SPMIP11: variants seen among roughly 807,000 people sequenced by gnomAD.
SPMIP11 encodes sperm microtubule inner protein 11, also known as long intergenic non-protein coding RNA 935.
chr12:48,743,337 C>A, the SPMIP11 span, among the ~76,000 whole-genome samples: 1 of 151,982 alleles, frequency 6.6e-6, no homozygotes, highest in South Asian at 2.1e-4. Context: ...GATGGCACCA[C>A]TGCACTCCAT....
At chr12:48,762,557 G>A in the SPMIP11 span, among the ~76,000 whole-genome samples, 9 of 150,278 alleles carry the variant, frequency 6.0e-5, no homozygotes, top group Non-Finnish European at 1.0e-4. Context: ...TAGTAGAGAC[G>A]AGGTTTCACC....
At chr12:48,738,734 G>A in the SPMIP11 span, among the ~76,000 whole-genome samples, 1 of 152,094 alleles carries the variant, frequency 6.6e-6, no homozygotes, top group South Asian at 2.1e-4. Context: ...TCAGAAAGAA[G>A]GGAGACAAAA....
chr12:48,760,527 GTTT>G, the SPMIP11 span, among the ~76,000 whole-genome samples: 1 of 150,040 alleles, frequency 6.7e-6, no homozygotes, highest in African/African-American at 2.5e-5. Context: ...TGTTGTTGTT[GTTT>G]GTTATTGTTG....
At chr12:48,735,003 C>CA in the SPMIP11 span, among the ~76,000 whole-genome samples, 37,087 of 84,008 alleles carry the variant, frequency 0.44, 9,004 homozygotes, top group Admixed American at 0.53. Context: ...GACTCTGTCT[C>CA]AAAAAAAAAA....
chr12:48,759,726 A>G, the SPMIP11 span, among the ~76,000 whole-genome samples: 1 of 150,640 alleles, frequency 6.6e-6, no homozygotes, highest in African/African-American at 2.4e-5. Flanking sequence ...AGGCAGGAAG[A>G]AAAAAAAAGA....
At chr12:48,749,039 ATCACTT>A in the SPMIP11 span, among the ~76,000 whole-genome samples, 1 of 152,088 alleles carries the variant, frequency 6.6e-6, no homozygotes, top group African/African-American at 2.4e-5. Flanking sequence ...AGGCGGGTGG[ATCACTT>A]GAGGCCAGGA....
At chr12:48,733,666 G>A in the SPMIP11 span, among the ~76,000 whole-genome samples, 6 of 151,354 alleles carry the variant, frequency 4.0e-5, no homozygotes, top group Non-Finnish European at 7.4e-5. Flanking sequence ...TATAGAGTTT[G>A]GTATCATCTG....
chr12:48,738,025 A>G, the SPMIP11 span, among the ~76,000 whole-genome samples: 1 of 151,318 alleles, frequency 6.6e-6, no homozygotes, highest in Non-Finnish European at 1.5e-5. Context: ...GAGTCTCCCT[A>G]TGTTGCCCAG....
At chr12:48,765,376 A>G in the SPMIP11 span, among the ~76,000 whole-genome samples, 1 of 151,866 alleles carries the variant, frequency 6.6e-6, no homozygotes, top group Non-Finnish European at 1.5e-5. Context: ...GATTACAGGC[A>G]CCCGCCACCG....
chr12:48,768,891 C>A, the SPMIP11 span: 2 of 1,575,874 alleles, frequency 1.3e-6, no homozygotes, highest in Non-Finnish European at 1.7e-6. Flanking sequence ...CTGTGGAAGC[C>A]CTCCGGGCCC....
chr12:48,743,297 G>C, the SPMIP11 span, among the ~76,000 whole-genome samples: 1 of 151,314 alleles, frequency 6.6e-6, no homozygotes, highest in Non-Finnish European at 1.5e-5. Context: ...GGGAGGCTGA[G>C]ATGGGAAGAT....
chr12:48,765,268 C>T, the SPMIP11 span, among the ~76,000 whole-genome samples: 1 of 152,162 alleles, frequency 6.6e-6, no homozygotes, highest in African/African-American at 2.4e-5. Flanking sequence ...ATGCTGCCTT[C>T]GTCGCTACCT....
At chr12:48,765,502 T>A in the SPMIP11 span, 1 of 673,092 alleles carries the variant, frequency 1.5e-6, no homozygotes, top group Non-Finnish European at 2.7e-6. Flanking sequence ...GTGCTGGGAT[T>A]ACAGGCGTGA....
At chr12:48,770,810 T>C in the SPMIP11 span, 14 of 1,614,110 alleles carry the variant, frequency 8.7e-6, no homozygotes, top group Non-Finnish European at 1.1e-5. Context: ...ATTGATGTGC[T>C]TCATCTGCTC....
the SPMIP11 span, among the ~76,000 whole-genome samples, chr12:48,758,623 ATGAAT>A: frequency 6.6e-6 from 1 of 152,200 alleles, no homozygotes; most frequent in Admixed American, 6.5e-5. Context: ...CCCAAACATA[ATGAAT>A]GCTAGGTAGC....
the SPMIP11 span, chr12:48,736,105 C>T: frequency 2.2e-6 from 1 of 452,574 alleles, no homozygotes; most frequent in South Asian, 1.6e-5. Context: ...TTGTTTATCC[C>T]TAGAGTTAAG....
At chr12:48,742,135 G>A in the SPMIP11 span, among the ~76,000 whole-genome samples, 4 of 151,896 alleles carry the variant, frequency 2.6e-5, no homozygotes, top group East Asian at 1.9e-4. Flanking sequence ...GGTTGGTCTC[G>A]AGCCCCTGGC....
At chr12:48,766,001 T>C in the SPMIP11 span, among the ~76,000 whole-genome samples, 2 of 152,170 alleles carry the variant, frequency 1.3e-5, no homozygotes, top group African/African-American at 2.4e-5. Flanking sequence ...CTGGAGCTCA[T>C]GATGCTGAAA....
the SPMIP11 span, among the ~76,000 whole-genome samples, chr12:48,770,566 G>A: frequency 2.6e-5 from 4 of 152,164 alleles, no homozygotes; most frequent in Non-Finnish European, 4.4e-5. Context: ...ATAGTATCAG[G>A]ATTAAAATAT....
Sources: allele counts gnomAD v4.1 joint callset (sites outside exome capture counted in the v4.1 genomes callset), GRCh38; gene constraint gnomAD v4.1.1; transcripts MANE v1.5; gene names NCBI Gene and HGNC (gene_info 2026-07-23, HGNC 2026-07-21).